VWA3B: variants seen among roughly 807,000 people sequenced by gnomAD.
The protein encoded by VWA3B is von Willebrand factor A domain containing 3B, also known as von Willebrand factor A domain-containing protein 3B.
In VWA3B, 138 loss-of-function variants were observed where a neutral mutation model predicts 158.3. The ratio of observed to expected loss-of-function variants is 0.87; its 90% CI spans 0.76 to 1.00. The LOEUF (loss-of-function observed/expected upper bound fraction) is 1.00. Ranked by LOEUF, VWA3B falls within the 50% of genes least tolerant of loss-of-function variation. The pLI is 0.00. For missense variants in VWA3B, 1,555 were observed against 1,565.1 expected, an observed-to-expected ratio of 0.99 and a Z score of 0.11; for synonymous variants, 596 against 587.3, an observed-to-expected ratio of 1.01 and a Z score of -0.21.
At position 98,125,749 on chromosome 2, in the gene VWA3B, C is replaced by T. The variant is rs923544947; in HGVS notation, c.703-2490C>T. ...GCACGATTCGGCTCACTGCAAGCTC[C>T]GCCTCCCAGGTTCACGCCATTCTCC... On this transcript the variant is annotated intron_variant, in intron 5 of 27. Coordinates refer to ENST00000477737, the MANE Select transcript of VWA3B (RefSeq NM_144992.5). The surrounding 1 kb of genome is among the most constrained non-coding windows in gnomAD (Gnocchi z 4.1). 1.3e-5 allele frequency among the ~76,000 whole-genome samples: 2 copies of T among 152,112 alleles called. No homozygotes were observed. Among genetic ancestry groups the T allele is most frequent in the Non-Finnish European group, 1.5e-5 (1 of 68,014 alleles).
rs535809423 is a variant in VWA3B at position 98,231,933 on chromosome 2, A to C, written c.2308+1726A>C. On this transcript the variant is annotated intron_variant, in intron 16 of 27. Coordinates refer to ENST00000477737, the MANE Select transcript of VWA3B (RefSeq NM_144992.5). ...GGATTTTGGTATCAAAGTTCATGAAAGCTATTGATCTATAGTTCTTTTAAT... is the reference window on the plus strand; with the variant it reads ...GGATTTTGGTATCAAAGTTCATGAACGCTATTGATCTATAGTTCTTTTAAT... Among the ~76,000 whole-genome samples, 8 of 152,272 alleles carry C rather than the reference A, an allele frequency of 5.3e-5. No individual in the cohort carries two copies. The South Asian group carries it at 1.7e-3, about 32-fold the overall frequency.
At chr2:98,140,044 A>G (rs577218003) in intron 7 of VWA3B, among the ~76,000 whole-genome samples, 25 of 152,258 alleles carry the variant, frequency 1.6e-4, no homozygotes, top group African/African-American at 5.5e-4. Context: ...TAAGAGCTGT[A>G]ACACTCACCG....
intron 2 of VWA3B, 86 bp from the exon 3 acceptor site, chr2:98,115,566 G>A: frequency 2.1e-6 from 2 of 944,248 alleles, no homozygotes; most frequent in Non-Finnish European, 3.3e-6. Flanking sequence ...AATTTGAATG[G>A]TGTCAGAGAA....
chr2:98,088,395 C>T (rs975330667), intron 1 of VWA3B, among the ~76,000 whole-genome samples: 1 of 152,166 alleles, frequency 6.6e-6, no homozygotes, highest in African/African-American at 2.4e-5. Context: ...ACAAGACTGT[C>T]GCCCAGGGCA....
At chr2:98,317,638 A>C (rs1325464744), downstream of VWA3B, among the ~76,000 whole-genome samples, 1 of 152,222 alleles carries the variant, frequency 6.6e-6, no homozygotes, top group Admixed American at 6.5e-5. Flanking sequence ...GAAAAATTTC[A>C]AATCTACCTA....
intron 5 of VWA3B, 151 bp downstream of exon 5, chr2:98,121,609 C>A: frequency 2.7e-6 from 3 of 1,108,820 alleles, no homozygotes; most frequent in Non-Finnish European, 3.8e-6. Flanking sequence ...ATGGTGATGG[C>A]ATAGCTGGAA....
In VWA3B at chr2:98,312,482, TAGCAA is replaced by T. The variant is rs1363468190; in HGVS notation, c.*136_*140del. 9.0e-7 allele frequency: 1 copy of T among 1,115,590 alleles called. No homozygotes were observed. Among genetic ancestry groups the T allele is most frequent in the African/African-American group, 1.6e-5 (1 of 63,642 alleles). The allele number at this position is 1,115,590 out of a possible 1,614,324, so 69.1% of individuals were successfully genotyped here. Reference sequence around the variant, plus strand: ...GCGCCGCCTATGCCTGCCCTGTCTGTAGCAAAGACTCCTCTCCCCTCCATCCCTGC... The same window carrying T: ...GCGCCGCCTATGCCTGCCCTGTCTGTAGACTCCTCTCCCCTCCATCCCTGC... On this transcript the variant is annotated 3_prime_UTR_variant, in exon 28 of 28. Coordinates refer to ENST00000477737, the MANE Select transcript of VWA3B (RefSeq NM_144992.5).
At chr2:98,252,044 G>T (rs1686832384) in intron 20 of VWA3B, among the ~76,000 whole-genome samples, 1 of 152,156 alleles carries the variant, frequency 6.6e-6, no homozygotes, top group South Asian at 2.1e-4. Flanking sequence ...CTCCTCTCCG[G>T]TTATGCTGCT....
the VWA3B span, among the ~76,000 whole-genome samples, chr2:98,321,561 G>T: frequency 6.6e-6 from 1 of 152,232 alleles, no homozygotes; most frequent in East Asian, 1.9e-4. Context: ...CTGGATGTGA[G>T]ACGTGGAGTG....
At chr2:98,240,817 C>A (rs560018630) in intron 19 of VWA3B, among the ~76,000 whole-genome samples, 1 of 152,174 alleles carries the variant, frequency 6.6e-6, no homozygotes, top group East Asian at 1.9e-4. Flanking sequence ...TAATAATATG[C>A]CTACTCTGAG....
intron 22 of VWA3B, among the ~76,000 whole-genome samples, chr2:98,279,957 CAG>C (rs1688773553): frequency 6.6e-6 from 1 of 152,162 alleles, no homozygotes; most frequent in Non-Finnish European, 1.5e-5. Flanking sequence ...CTTAAAGACT[CAG>C]AATTCATTTG....
intron 9 of VWA3B, among the ~76,000 whole-genome samples, chr2:98,184,315 C>A (rs1440954221): frequency 1.3e-5 from 2 of 152,190 alleles, no homozygotes; most frequent in African/African-American, 4.8e-5. Flanking sequence ...CGGAGGTGTC[C>A]ACCTCTGCCT....
In VWA3B at chr2:98,110,716, T is replaced by C. The variant is rs550061494; in HGVS notation, c.197-4936T>C. Among the ~76,000 whole-genome samples the C allele has an allele frequency of 8.5e-5, 13 of 152,318 alleles. No homozygotes were observed. The East Asian group carries it at 2.5e-3, about 29-fold the overall frequency. ...AGTGCACATTGTACCCAATAAGCAA[T>C]ATTTCATCCTTCACCCTTGATACAG... On this transcript the variant is annotated intron_variant, in intron 2 of 27. Coordinates refer to ENST00000477737, the MANE Select transcript of VWA3B (RefSeq NM_144992.5).
rs543452346 is a variant in VWA3B at position 98,215,822 on chromosome 2, G to A, written c.1837-2024G>A. ...TGAGCCACCGCGCCCAGCCAATTTA[G>A]AAACTCTTGAGGACTTCCGAATTCA... On this transcript the variant is annotated intron_variant, in intron 13 of 27. Transcript: ENST00000477737. 3.3e-5 allele frequency among the ~76,000 whole-genome samples: 5 copies of A among 152,268 alleles called. No individual in the cohort carries two copies. In the South Asian group the frequency reaches 1.0e-3, roughly 32 times the overall value.
At chr2:98,130,128 G>T (rs1367105950) in intron 6 of VWA3B, among the ~76,000 whole-genome samples, 1 of 152,174 alleles carries the variant, frequency 6.6e-6, no homozygotes, top group East Asian at 1.9e-4. Context: ...GTAAACACAT[G>T]AACAAATGTA....
chr2:98,211,196 A>C (rs1218747886), intron 12 of VWA3B, among the ~76,000 whole-genome samples: 2 of 152,148 alleles, frequency 1.3e-5, no homozygotes, highest in African/African-American at 4.8e-5. Flanking sequence ...AATCAACCAC[A>C]GTTGGTTTTC....
chr2:98,167,748 C>T (rs553592119), intron 8 of VWA3B, among the ~76,000 whole-genome samples: 1 of 152,214 alleles, frequency 6.6e-6, no homozygotes, highest in African/African-American at 2.4e-5. Flanking sequence ...GGGGAAAGGG[C>T]CATTGGAAAG....
downstream of VWA3B, among the ~76,000 whole-genome samples, chr2:98,315,905 T>C (rs773314735): frequency 1.3e-5 from 2 of 152,202 alleles, no homozygotes; most frequent in African/African-American, 4.8e-5. Context: ...CATGATCGAT[T>C]AGAAGATATG....
At chr2:98,281,711 C>T (rs993140717) in intron 22 of VWA3B, among the ~76,000 whole-genome samples, 1 of 151,910 alleles carries the variant, frequency 6.6e-6, no homozygotes, top group Non-Finnish European at 1.5e-5. Flanking sequence ...AGGGTCACAC[C>T]ATTTGGGGCC....
Sources: allele counts gnomAD v4.1 joint callset (sites outside exome capture counted in the v4.1 genomes callset), GRCh38; gene constraint gnomAD v4.1.1; non-coding constraint Gnocchi (gnomAD v3.1); transcripts MANE v1.5; gene names NCBI Gene and HGNC (gene_info 2026-07-23, HGNC 2026-07-21).